The following CNTN4 variants were observed in gnomAD, a reference collection of about 807,000 sequenced individuals.
CNTN4 encodes contactin 4, also known as contactin-4.
CNTN4 carries 77 observed loss-of-function variants against 122.5 expected under a neutral mutation model. The observed-to-expected ratio is 0.63, with a 90% CI of 0.52 to 0.76. The LOEUF is 0.76. CNTN4 is among the 30% of genes least tolerant of loss of function. The pLI is 0.00. For missense variants in CNTN4, 1,256 were observed against 1,259.1 expected (o/e 1.00, Z 0.04); for synonymous variants, 512 against 447.0 (o/e 1.15, Z -1.83).
At chr3:2,371,276 G>C (rs561897596) in intron 3 of CNTN4, among the ~76,000 whole-genome samples, 1 of 152,234 alleles carries the variant, frequency 6.6e-6, no homozygotes, top group East Asian at 1.9e-4. Context: ...ACATGCCACT[G>C]TGCCATTCAA....
chr3:2,567,345 C>T (rs1362724884), intron 3 of CNTN4, among the ~76,000 whole-genome samples: 1 of 150,332 alleles, frequency 6.7e-6, no homozygotes. Flanking sequence ...CTCGGCCTCC[C>T]AAAGTGCTGG....
At chr3:2,636,339 G>A (rs557874447) in intron 4 of CNTN4, among the ~76,000 whole-genome samples, 1 of 152,206 alleles carries the variant, frequency 6.6e-6, no homozygotes, top group East Asian at 1.9e-4. Flanking sequence ...TACTATTGAG[G>A]AACACTAATT....
Position 2,144,548 on chromosome 3 carries a change from T to C in CNTN4, c.-145+43909T>C, listed in dbSNP as rs995255671. ...TTCAGGGATGGGTGGCAAAGGATCA[T>C]TGAGAGGGTTACATGTGACCCTTGC... On this transcript the variant is annotated intron_variant, in intron 2 of 24. Transcript: ENST00000418658. Among the ~76,000 whole-genome samples the C allele has an allele frequency of 4.6e-5, 7 of 152,256 alleles. No homozygotes were observed. The South Asian group carries it at 8.3e-4, about 18-fold the overall frequency.
chr3:2,907,457 C>T (rs1231872461), intron 12 of CNTN4, among the ~76,000 whole-genome samples: 2 of 151,910 alleles, frequency 1.3e-5, no homozygotes, highest in Non-Finnish European at 2.9e-5. Flanking sequence ...CTTGTCGTCC[C>T]AGCTATCTGG....
intron 3 of CNTN4, among the ~76,000 whole-genome samples, chr3:2,401,272 G>A (rs376011921): frequency 2.6e-5 from 4 of 152,070 alleles, no homozygotes; most frequent in Non-Finnish European, 5.9e-5. Context: ...GGTTTCTCAA[G>A]GTCAGAGAGC....
At chr3:2,724,049 C>A (rs1056687854) in intron 4 of CNTN4, among the ~76,000 whole-genome samples, 1 of 152,060 alleles carries the variant, frequency 6.6e-6, no homozygotes, top group Non-Finnish European at 1.5e-5. Context: ...TTATTATTGT[C>A]ATTATTTTAC....
At chr3:2,987,762 G>A (rs1338336062) in intron 13 of CNTN4, among the ~76,000 whole-genome samples, 1 of 152,170 alleles carries the variant, frequency 6.6e-6, no homozygotes, top group Non-Finnish European at 1.5e-5. Context: ...TGGGGCCTGA[G>A]GTTTGCCATC....
rs189858880 is a variant in CNTN4 at position 2,989,985 on chromosome 3, T to C, written c.1486+1513T>C. 2.4e-4 allele frequency among the ~76,000 whole-genome samples: 36 copies of C among 152,322 alleles called. 1 individual carries two copies. The highest frequency in any genetic ancestry group is 8.7e-4 in the African/African-American group (36 of 41,574). ...CATAGTTAAAAGACAGGGATTCAAG[T>C]CAGAGTGATCTGGATTTGAGTCTCA... On this transcript the variant is annotated intron_variant, in intron 14 of 24. Transcript: ENST00000418658.
At chr3:2,105,738 C>T (rs1401011576) in intron 2 of CNTN4, among the ~76,000 whole-genome samples, 7 of 152,188 alleles carry the variant, frequency 4.6e-5, no homozygotes, top group African/African-American at 1.7e-4. Context: ...CCTGGCCCCT[C>T]CCAAATATCA....
intron 2 of CNTN4, among the ~76,000 whole-genome samples, chr3:2,215,788 C>T (rs2038810558): frequency 7.1e-6 from 1 of 141,220 alleles, no homozygotes; most frequent in Non-Finnish European, 1.5e-5. Flanking sequence ...GAGATTGAGG[C>T]AGGAGAATCA....
intron 9 of CNTN4, 96 bp downstream of exon 9, chr3:2,883,343 C>T (rs113735808): frequency 0.016 from 14,248 of 899,102 alleles, 162 homozygotes; most frequent in Non-Finnish European, 0.021. Context: ...TCTGAGGTGA[C>T]GGAAAAGCAA....
At chr3:2,956,103 C>A (rs1405506551) in intron 13 of CNTN4, among the ~76,000 whole-genome samples, 2 of 152,088 alleles carry the variant, frequency 1.3e-5, no homozygotes, top group African/African-American at 4.8e-5. Flanking sequence ...ATTTTCCAGC[C>A]TTAACTAGGA....
intron 2 of CNTN4, among the ~76,000 whole-genome samples, chr3:2,319,816 G>A (rs2043222799): frequency 6.6e-6 from 1 of 152,058 alleles, no homozygotes; most frequent in African/African-American, 2.4e-5. Flanking sequence ...GTTGTTCAAG[G>A]GGCAACTGTA....
chr3:2,952,504 T>C (rs2094756374), intron 13 of CNTN4, among the ~76,000 whole-genome samples: 1 of 152,222 alleles, frequency 6.6e-6, no homozygotes, highest in Non-Finnish European at 1.5e-5. Context: ...GAGTTTTTGT[T>C]ACATGCATTT....
intron 2 of CNTN4, among the ~76,000 whole-genome samples, chr3:2,114,751 A>T (rs894410706): frequency 1.3e-5 from 2 of 152,174 alleles, no homozygotes; most frequent in African/African-American, 4.8e-5. Flanking sequence ...ATTGGGAGAT[A>T]TTCTTTATGC....
At chr3:2,803,812 T>C (rs950866220) in intron 6 of CNTN4, among the ~76,000 whole-genome samples, 29 of 152,012 alleles carry the variant, frequency 1.9e-4, no homozygotes, top group African/African-American at 2.4e-5. Context: ...CCACCTGCCT[T>C]GGCCTCCCAA....
At chr3:2,912,660 GTCA>G (rs1265610190) in intron 12 of CNTN4, among the ~76,000 whole-genome samples, 1 of 152,184 alleles carries the variant, frequency 6.6e-6, no homozygotes, top group Non-Finnish European at 1.5e-5. Flanking sequence ...GGTAATTTGT[GTCA>G]TCAGTAACAA....
At chr3:2,547,162 A>G (rs987664966) in intron 3 of CNTN4, among the ~76,000 whole-genome samples, 5 of 152,146 alleles carry the variant, frequency 3.3e-5, no homozygotes, top group Admixed American at 3.3e-4. Flanking sequence ...AGAACATGGT[A>G]TAGATCTACT....
rs566404833 is a variant in CNTN4 at position 2,159,034 on chromosome 3, A to G, written c.-145+58395A>G. Among the ~76,000 whole-genome samples, 107 of 152,098 alleles carry G rather than the reference A, an allele frequency of 7.0e-4. 1 individual carries two copies. The highest frequency in any genetic ancestry group is 2.4e-3 in the African/African-American group (100 of 41,526). Reference sequence around the variant, plus strand: ...TAGTGTATGAAGTTGGAATCCCGAGAGGCAGCGAGTGGGAGAAAATGAAGG... The same window carrying G: ...TAGTGTATGAAGTTGGAATCCCGAGGGGCAGCGAGTGGGAGAAAATGAAGG... On this transcript the variant is annotated intron_variant, in intron 2 of 24. Transcript: ENST00000418658.
Sources: allele counts gnomAD v4.1 joint callset (sites outside exome capture counted in the v4.1 genomes callset), GRCh38; gene constraint gnomAD v4.1.1; transcripts MANE v1.5; gene names NCBI Gene and HGNC (gene_info 2026-07-23, HGNC 2026-07-21).